Variants in TYW1B observed in about 807,000 individuals in gnomAD.
TYW1B encodes the protein S-adenosyl-L-methionine-dependent tRNA 4-demethylwyosine synthase TYW1B.
A neutral mutation model predicts 86.9 loss-of-function variants in TYW1B; 73 were observed. That is an observed-to-expected ratio of 0.84 (90% CI 0.70 to 1.02). The LOEUF (loss-of-function observed/expected upper bound fraction) is 1.02, where lower values mean the gene tolerates loss of function less well. TYW1B is among the 50% of genes least tolerant of loss of function. The pLI, the probability that TYW1B is intolerant of heterozygous loss-of-function variation, is 0.00. For synonymous variants in TYW1B, 248 were observed against 292.8 expected (o/e 0.85, Z 1.56); for missense variants, 637 against 827.4 (o/e 0.77, Z 2.82).
At chr7:72,682,680 T>G (rs1364533976) in intron 11 of TYW1B, among the ~76,000 whole-genome samples, 7 of 152,280 alleles carry the variant, frequency 4.6e-5, no homozygotes, top group African/African-American at 1.7e-4. Context: ...TCAACAACTG[T>G]TCTTAGATCC....
At chr7:72,645,874 ATG>A (rs1812916955) in intron 11 of TYW1B, among the ~76,000 whole-genome samples, 5 of 151,402 alleles carry the variant, frequency 3.3e-5, no homozygotes, top group African/African-American at 1.2e-4. Context: ...CCAGCAGCTC[ATG>A]TAAGACCTGT....
intron 2 of TYW1B, 62 bp from the exon 3 acceptor site, chr7:72,815,543 AC>A: frequency 1.4e-6 from 2 of 1,455,650 alleles, no homozygotes; most frequent in Non-Finnish European, 1.9e-6. Flanking sequence ...GCCCTCATTT[AC>A]CCCTGTTGGC....
At chr7:72,587,384 T>C (rs1408289119) in intron 13 of TYW1B, among the ~76,000 whole-genome samples, 1 of 152,186 alleles carries the variant, frequency 6.6e-6, no homozygotes, top group East Asian at 1.9e-4. Context: ...CGGAGTTTTA[T>C]GATTACTCAA....
At chr7:72,807,925 C>T (rs181527654) in intron 4 of TYW1B, among the ~76,000 whole-genome samples, 5 of 152,000 alleles carry the variant, frequency 3.3e-5, no homozygotes, top group Admixed American at 1.3e-4. Context: ...TACATATCTA[C>T]GCCAGGCGAA....
At chr7:72,712,923 C>T (rs1554455050) in intron 10 of TYW1B, among the ~76,000 whole-genome samples, 1 of 152,086 alleles carries the variant, frequency 6.6e-6, no homozygotes, top group Non-Finnish European at 1.5e-5. Flanking sequence ...CACAAATACC[C>T]CAACTCCACG....
At chr7:72,738,921 A>AAT (rs1787250097) in intron 8 of TYW1B, among the ~76,000 whole-genome samples, 5 of 150,288 alleles carry the variant, frequency 3.3e-5, no homozygotes, top group Non-Finnish European at 4.5e-5. Flanking sequence ...AAAAAAAAAA[A>AAT]AATAATAATA....
rs35167805 is a variant in TYW1B at position 72,582,075 on chromosome 7, A to AT, written c.1786-6357dup. Reference sequence around the variant, plus strand: ...TGAGCCACTGCACCTGGCAAAAAAGATTTTTTTTTTTTTTTAATATTAAAG... The same window carrying AT: ...TGAGCCACTGCACCTGGCAAAAAAGATTTTTTTTTTTTTTTTAATATTAAAG... On this transcript the variant is annotated intron_variant, in intron 13 of 13. Transcript: ENST00000620995. 6.6e-3 allele frequency among the ~76,000 whole-genome samples: 962 copies of AT among 146,144 alleles called. 2 individuals are homozygous for AT. The highest frequency in any genetic ancestry group is 0.018 in the Middle Eastern group (5 of 282).
chr7:72,791,783 C>T (rs1385807875), intron 6 of TYW1B, among the ~76,000 whole-genome samples: 1 of 151,970 alleles, frequency 6.6e-6, no homozygotes, highest in Non-Finnish European at 1.5e-5. Flanking sequence ...CTTAAACAAA[C>T]AAACAAAAAG....
chr7:72,642,221 C>G (rs1812817669), intron 11 of TYW1B, among the ~76,000 whole-genome samples: 1 of 152,138 alleles, frequency 6.6e-6, no homozygotes, highest in Admixed American at 6.5e-5. Context: ...CTCAAAACTG[C>G]TCAAAGAGCT....
chr7:72,725,359 G>A (rs1786979249), intron 9 of TYW1B, among the ~76,000 whole-genome samples: 1 of 152,056 alleles, frequency 6.6e-6, no homozygotes, highest in African/African-American at 2.4e-5. Flanking sequence ...GTTCATTCAG[G>A]GAGACTCCAG....
At chr7:72,654,536 C>T (rs13247023) in intron 11 of TYW1B, among the ~76,000 whole-genome samples, 1 of 152,180 alleles carries the variant, frequency 6.6e-6, no homozygotes, top group African/African-American at 2.4e-5. Context: ...AGGGGCATCC[C>T]TTCAGCCAAA....
intron 2 of TYW1B, among the ~76,000 whole-genome samples, chr7:72,818,952 G>A (rs553637093): frequency 6.6e-6 from 1 of 152,192 alleles, no homozygotes; most frequent in South Asian, 2.1e-4. Flanking sequence ...ACTACGATTC[G>A]ACATCAGATT....
At chr7:72,785,973 C>T (rs554158172) in intron 6 of TYW1B, among the ~76,000 whole-genome samples, 4 of 152,044 alleles carry the variant, frequency 2.6e-5, no homozygotes, top group East Asian at 1.9e-4. Flanking sequence ...ATTAGCCGGG[C>T]GTGGTGGCGG....
At chr7:72,820,380 A>C (rs1449013409) in intron 2 of TYW1B, among the ~76,000 whole-genome samples, 2 of 152,164 alleles carry the variant, frequency 1.3e-5, no homozygotes, top group African/African-American at 4.8e-5. Context: ...ATGCTAAGGG[A>C]ATTTATTACA....
intron 13 of TYW1B, among the ~76,000 whole-genome samples, chr7:72,577,555 C>G (rs1186139860): frequency 6.6e-6 from 1 of 152,202 alleles, no homozygotes; most frequent in Admixed American, 6.5e-5. Context: ...AAGGTGACCT[C>G]CTTTTCCCTG....
At chr7:72,714,855 T>C (rs1786748350) in intron 9 of TYW1B, among the ~76,000 whole-genome samples, 1 of 152,088 alleles carries the variant, frequency 6.6e-6, no homozygotes, top group Non-Finnish European at 1.5e-5. Context: ...AGGCACAGAT[T>C]GCAGTGAGAG....
intron 11 of TYW1B, among the ~76,000 whole-genome samples, chr7:72,634,824 T>C (rs1287821780): frequency 6.6e-6 from 1 of 152,176 alleles, no homozygotes; most frequent in Non-Finnish European, 1.5e-5. Context: ...TATGTCTCTG[T>C]TGGAATATTT....
rs1367261347 is a variant in TYW1B, at chr7:72,652,377, G to GGA, written c.1507-23381_1507-23380insTC. ...TGGGCGACAGAGCAAGACTCTGTCT[G>GGA]AAAAAAAAAAAAAAAAAAAAAAAAA... is the stretch of plus-strand genomic sequence containing the variant. On this transcript the variant is annotated intron_variant, in intron 11 of 13. Transcript: ENST00000620995. 5.0e-3 allele frequency among the ~76,000 whole-genome samples: 156 copies of GGA among 31,300 alleles called. 3 individuals are homozygous for GGA. The highest frequency in any genetic ancestry group is 0.012 in the African/African-American group (145 of 11,622). The allele number at this position is 31,300 out of a possible 152,430, so 20.5% of individuals were successfully genotyped here.
At chr7:72,625,698 T>C (rs1404958430) in intron 12 of TYW1B, among the ~76,000 whole-genome samples, 1 of 152,056 alleles carries the variant, frequency 6.6e-6, no homozygotes, top group African/African-American at 2.4e-5. Context: ...ATCTCAGCTA[T>C]AGACAGAAGG....
Sources: allele counts gnomAD v4.1 joint callset (sites outside exome capture counted in the v4.1 genomes callset), GRCh38; gene constraint gnomAD v4.1.1; transcripts MANE v1.5; gene names NCBI Gene and HGNC (gene_info 2026-07-23, HGNC 2026-07-21).